APC: variants seen among roughly 807,000 people sequenced by gnomAD.
APC encodes the protein adenomatous polyposis coli protein.
In APC, 72 loss-of-function variants were observed where a neutral mutation model predicts 247.0. The observed-to-expected ratio is 0.29, with a 90% CI of 0.24 to 0.35. The LOEUF is 0.35. APC is among the 10% of genes least tolerant of loss of function. The pLI, the probability that APC is intolerant of heterozygous loss-of-function variation, is 1.00. For synonymous variants in APC, 1,254 were observed against 1,162.5 expected (o/e 1.08, Z -1.60); for missense variants, 3,400 against 3,360.7 (o/e 1.01, Z -0.29).
chr5:112,736,660 AATCCC>A (rs1383591291), upstream of APC, among the ~76,000 whole-genome samples: 3 of 152,352 alleles, frequency 2.0e-5, no homozygotes, highest in South Asian at 6.2e-4. Context: ...TCACGCATGT[AATCCC>A]AGTACTTGGA....
chr5:112,784,642 G>A (rs1293375155), intron 6 of APC, among the ~76,000 whole-genome samples: 3 of 152,124 alleles, frequency 2.0e-5, no homozygotes, highest in African/African-American at 7.2e-5. Flanking sequence ...CTAACTCCCT[G>A]CTTGGGTGAT....
intron 8 of APC, among the ~76,000 whole-genome samples, chr5:112,813,668 G>A (rs79039159): frequency 4.6e-5 from 7 of 151,382 alleles, no homozygotes; most frequent in East Asian, 1.9e-4. Flanking sequence ...CTGTAGTCCC[G>A]GCTACTCTGG....
Position 112,765,315 on chromosome 5 carries a change from T to C in APC, c.136-1011T>C, listed in dbSNP as rs145375050. ...ATTTTGTAGGGACAGAGTCTCGCTA[T>C]GTTGTTCAGGCTGGTCTCAAACTCC... is the stretch of plus-strand genomic sequence containing the variant. On this transcript the variant is annotated intron_variant, in intron 2 of 15. Transcript: ENST00000257430. Among the ~76,000 whole-genome samples, 13 of 152,258 alleles carry C rather than the reference T, an allele frequency of 8.5e-5. No homozygotes were observed. The East Asian group carries it at 2.3e-3, about 27-fold the overall frequency.
intron 7 of APC, among the ~76,000 whole-genome samples, chr5:112,799,812 A>G (rs1235057605): frequency 1.3e-5 from 2 of 152,088 alleles, no homozygotes; most frequent in African/African-American, 2.4e-5. Flanking sequence ...TTGACACGCT[A>G]AAACAAGCCA....
intron 1 of APC, among the ~76,000 whole-genome samples, chr5:112,749,911 GT>G (rs1292101589): frequency 1.1e-3 from 124 of 110,722 alleles, no homozygotes; most frequent in Middle Eastern, 4.9e-3. Flanking sequence ...ATACTTAGTT[GT>G]TTTTTTTTTT....
intron 1 of APC, among the ~76,000 whole-genome samples, chr5:112,748,694 C>A (rs1246680945): frequency 6.6e-6 from 1 of 152,116 alleles, no homozygotes; most frequent in African/African-American, 2.4e-5. Flanking sequence ...AACCCCATCT[C>A]TGTAATCCCA....
chr5:112,780,780 G>A lies in APC; in HGVS notation c.532-10G>A, dbSNP rs2149638867. 6.4e-7 allele frequency: 1 copy of A among 1,563,816 alleles called. No homozygotes were observed. ...AGATATTGATACTTTTTTATTATTT[G>A]TGGTTTTAGTTTTCCTTACAAACAG... On this transcript the variant is annotated splice_polypyrimidine_tract_variant and intron_variant, in intron 5 of 15. Coordinates refer to ENST00000257430, the MANE Select transcript of APC (RefSeq NM_000038.6).
rs141001261 is a variant in APC at position 112,837,799 on chromosome 5, G to A, written c.2205G>A (p.Ala735=). The change falls in exon 16 of 16, where the codon GCG becomes GCA. Residue 735 remains alanine, a synonymous_variant. Transcript: ENST00000257430. ...ALRNLMANRP[A]KYKDANIMSP... ...GGAATCTCATGGCAAATAGGCCTGC[G>A]AAGTACAAGGATGCCAATATTATGT... 3.7e-4 allele frequency: 593 copies of A among 1,613,866 alleles called. 1 individual carries two copies. Among genetic ancestry groups the A allele is most frequent in the Non-Finnish European group, 4.9e-4 (577 of 1,180,016 alleles).
chr5:112,774,039 T>G (rs1455827854), intron 4 of APC, among the ~76,000 whole-genome samples: 3 of 152,160 alleles, frequency 2.0e-5, no homozygotes, highest in Non-Finnish European at 4.4e-5. Context: ...TTCTAGGAAT[T>G]TCTTTTATAT....
At chr5:112,744,488 A>G (rs926539366) in intron 1 of APC, among the ~76,000 whole-genome samples, 3 of 152,296 alleles carry the variant, frequency 2.0e-5, no homozygotes, top group African/African-American at 7.2e-5. Context: ...AAGACAAAAC[A>G]CCCCAAGGTA....
intron 1 of APC, among the ~76,000 whole-genome samples, chr5:112,712,185 C>T (rs1750891344): frequency 6.6e-6 from 1 of 152,206 alleles, no homozygotes; most frequent in Non-Finnish European, 1.5e-5. Context: ...ATATGCTTTT[C>T]ACTGTGTTCT....
At chr5:112,817,135 G>A (rs1362025410) in intron 9 of APC, among the ~76,000 whole-genome samples, 1 of 152,100 alleles carries the variant, frequency 6.6e-6, no homozygotes, top group African/African-American at 2.4e-5. Flanking sequence ...CTCCCAAAGT[G>A]CTGGGATTAG....
At position 112,819,249 on chromosome 5, in the gene APC, T is replaced by C. The variant is rs2149782663; in HGVS notation, c.1217T>C (p.Val406Ala). ...AAGAGAGGCAGGCGTGAAATCCGAG[T>C]CCTTCATCTTTTGGAACAGATACGC... is the stretch of plus-strand genomic sequence containing the variant. ...DDKRGRREIR[V>A]LHLLEQIRAY... is the part of the protein sequence containing the mutation. Residue 406 changes from valine (V) to alanine (A), a missense_variant, in exon 10 of 16, where the codon GTC becomes GCC. By Grantham distance (64) the Val-to-Ala change is moderately conservative (BLOSUM62 0). This residue lies in a region of APC where 199 missense variants were observed against 212.5 expected (regional missense o/e 0.94). Coordinates refer to ENST00000257430, the MANE Select transcript of APC (RefSeq NM_000038.6). The C allele has an allele frequency of 1.2e-6, 2 of 1,613,828 alleles. No homozygotes were observed. Among genetic ancestry groups the C allele is most frequent in the Non-Finnish European group, 1.7e-6 (2 of 1,179,928 alleles).
In APC at chr5:112,827,993, AAGACTTAC is replaced by A. The variant is rs1554081910; in HGVS notation, c.1616_1623del (p.Asp539AlafsTer18). 1 of 1,612,016 alleles carries A rather than the reference AAGACTTAC, an allele frequency of 6.2e-7. No homozygotes were observed. On this transcript the variant is annotated frameshift_variant, in exon 13 of 16. Coordinates refer to ENST00000257430, the MANE Select transcript of APC (RefSeq NM_000038.6). LOFTEE classifies it high-confidence loss of function. ...GTGGCCCAACTAAAATCTGAAAGTG[AAGACTTAC>A]AGCAGGTACTATTTAGAATTTCACC...
chr5:112,840,760 T>A lies in APC; in HGVS notation c.5166T>A (p.Asp1722Glu), dbSNP rs2149933656. Reference protein sequence around the residue: ...ELDDNKAEEGDILAECINSAM... With the variant: ...ELDDNKAEEGEILAECINSAM... The stretch of plus-strand genomic sequence containing the variant: ...ATGACAATAAAGCAGAGGAAGGTGA[T>A]ATTCTTGCAGAATGCATTAATTCTG... Residue 1722 changes from aspartate (D) to glutamate (E), a missense_variant, in exon 16 of 16, where the codon GAT (aspartate) becomes GAA (glutamate). By Grantham distance (45) the Asp-to-Glu change is conservative (BLOSUM62 2). Transcript: ENST00000257430. The surrounding 1 kb of genome is among the most constrained non-coding windows in gnomAD (Gnocchi z 4.1). 1 of 1,614,082 alleles carries A rather than the reference T, an allele frequency of 6.2e-7. No homozygotes were observed. Among genetic ancestry groups the A allele is most frequent in the Non-Finnish European group, 8.5e-7 (1 of 1,179,940 alleles).
intron 7 of APC, among the ~76,000 whole-genome samples, chr5:112,800,273 T>C (rs1187911676): frequency 6.6e-6 from 1 of 152,242 alleles, no homozygotes; most frequent in Admixed American, 6.5e-5. Context: ...GTTGACTTTA[T>C]GTATGTATAT....
rs1015555381 is a variant in APC, at chr5:112,783,794, A to G, written c.645+2891A>G. 2.8e-5 allele frequency: 11 copies of G among 392,616 alleles called. No homozygotes were observed. In the East Asian group the frequency reaches 8.2e-4, roughly 29 times the overall value. 24.3% of individuals were successfully genotyped at this position (392,616 alleles called of 1,614,324 possible). The stretch of plus-strand genomic sequence containing the variant: ...AAAAAAAAAAAAAAAAGAGAAAGAA[A>G]GGAAAGAAAAGAAAAGAAAGAAAAC... On this transcript the variant is annotated intron_variant, in intron 6 of 15. Transcript: ENST00000257430.
chr5:112,817,965 C>T (rs1030287254), intron 9 of APC, among the ~76,000 whole-genome samples: 1 of 152,218 alleles, frequency 6.6e-6, no homozygotes, highest in African/African-American at 2.4e-5. Context: ...TGTATTTACG[C>T]ATCTAAAGCA....
chr5:112,756,507 A>C (rs1755004948), intron 2 of APC, among the ~76,000 whole-genome samples: 1 of 152,234 alleles, frequency 6.6e-6, no homozygotes, highest in Non-Finnish European at 1.5e-5. Context: ...TGTGTTTTTA[A>C]AAGTTTTAAA....
Sources: allele counts gnomAD v4.1 joint callset (sites outside exome capture counted in the v4.1 genomes callset), GRCh38; gene constraint gnomAD v4.1.1; regional missense constraint gnomAD v4.1.1; non-coding constraint Gnocchi (gnomAD v3.1); transcripts MANE v1.5; gene names NCBI Gene and HGNC (gene_info 2026-07-23, HGNC 2026-07-21).